UBE4B: variants seen among roughly 807,000 people sequenced by gnomAD.
UBE4B encodes the protein ubiquitin conjugation factor E4 B.
In UBE4B, 27 loss-of-function variants were observed where a neutral mutation model predicts 148.1. The observed-to-expected ratio is 0.18, with a 90% CI of 0.13 to 0.25. UBE4B has a LOEUF of 0.25. Ranked by LOEUF, UBE4B falls within the 10% of genes least tolerant of loss-of-function variation. The pLI is 1.00. For synonymous variants in UBE4B, 596 were observed against 619.3 expected, an observed-to-expected ratio of 0.96 and a Z score of 0.56; for missense variants, 1,170 against 1,662.4, an observed-to-expected ratio of 0.70 and a Z score of 5.15.
chr1:10,110,602 G>A (rs1048146519), intron 7 of UBE4B, among the ~76,000 whole-genome samples: 3 of 152,104 alleles, frequency 2.0e-5, no homozygotes, highest in South Asian at 2.1e-4. Context: ...GAAGTTATCC[G>A]GAGGAAAATG....
chr1:10,136,351 T>TC (rs1645682739), intron 16 of UBE4B, among the ~76,000 whole-genome samples: 1 of 152,044 alleles, frequency 6.6e-6, no homozygotes, highest in Non-Finnish European at 1.5e-5. Flanking sequence ...ATGCCTGTGT[T>TC]CCCAGCCACC....
At chr1:10,145,687 C>T (rs1207183737) in intron 18 of UBE4B, 1 of 152,236 alleles carries the variant, frequency 6.6e-6, no homozygotes, top group Non-Finnish European at 1.5e-5. Context: ...CCACCCCTCG[C>T]CCCAACACTC....
chr1:10,116,287 C>A (rs1399570862), intron 7 of UBE4B, among the ~76,000 whole-genome samples: 1 of 152,112 alleles, frequency 6.6e-6, no homozygotes, highest in Non-Finnish European at 1.5e-5. Context: ...GGATTACAGA[C>A]GTGTGCCACC....
At chr1:10,042,758 C>A (rs986201624) in intron 1 of UBE4B, among the ~76,000 whole-genome samples, 1 of 152,072 alleles carries the variant, frequency 6.6e-6, no homozygotes, top group Non-Finnish European at 1.5e-5. Flanking sequence ...ATTTCTGTGG[C>A]CTACAGGTAC....
intron 17 of UBE4B, among the ~76,000 whole-genome samples, chr1:10,143,490 C>T (rs1484488432): frequency 1.3e-5 from 2 of 152,068 alleles, no homozygotes; most frequent in African/African-American, 2.4e-5. Context: ...TCTCTGAGTC[C>T]TTTTTTCTCT....
intron 7 of UBE4B, among the ~76,000 whole-genome samples, chr1:10,110,588 C>T (rs1036937469): frequency 6.6e-6 from 1 of 151,964 alleles, no homozygotes; most frequent in African/African-American, 2.4e-5. Context: ...GTAAAGGTAC[C>T]GCAGAAGTTA....
chr1:10,118,914 C>T (rs1645362901), intron 8 of UBE4B, among the ~76,000 whole-genome samples: 1 of 95,876 alleles, frequency 1.0e-5, no homozygotes, highest in Non-Finnish European at 1.9e-5. Context: ...GATGGAGTCT[C>T]ACTCTGTCAC....
intron 2 of UBE4B, among the ~76,000 whole-genome samples, chr1:10,078,095 C>T (rs11804805): frequency 0.02 from 2,967 of 152,110 alleles, 101 homozygotes; most frequent in African/African-American, 0.066. Flanking sequence ...CTGCAACCTC[C>T]GTCACCCGGG....
chr1:10,121,326 G>A (rs1030696673), intron 9 of UBE4B, among the ~76,000 whole-genome samples: 6 of 152,152 alleles, frequency 3.9e-5, no homozygotes, highest in African/African-American at 1.4e-4. Flanking sequence ...CCATACTCCA[G>A]CCTGGGCAAC....
intron 1 of UBE4B, among the ~76,000 whole-genome samples, chr1:10,064,363 A>G (rs1161060290): frequency 1.3e-5 from 2 of 152,258 alleles, no homozygotes; most frequent in African/African-American, 4.8e-5. Flanking sequence ...GTGATACTCT[A>G]TGCACAAGCA....
At chr1:10,038,732 A>T (rs904289079) in intron 1 of UBE4B, among the ~76,000 whole-genome samples, 3 of 152,138 alleles carry the variant, frequency 2.0e-5, no homozygotes, top group Non-Finnish European at 2.9e-5. Context: ...TGCATTCATG[A>T]TGTGATCAGG....
chr1:10,151,264 C>A, intron 20 of UBE4B, 62 bp from the exon 21 acceptor site: 1 of 1,516,214 alleles, frequency 6.6e-7, no homozygotes, highest in South Asian at 1.2e-5. Context: ...AGCCTTCACC[C>A]AAGATGAGTT....
intron 7 of UBE4B, among the ~76,000 whole-genome samples, chr1:10,111,956 C>CAA (rs56777705): frequency 3.3e-4 from 41 of 123,222 alleles, no homozygotes; most frequent in African/African-American, 1.1e-3. Context: ...GACTCTGTCT[C>CAA]AAAAAAAAAA....
chr1:10,132,287 A>T, intron 14 of UBE4B, 82 bp from the exon 15 acceptor site: 1 of 991,452 alleles, frequency 1.0e-6, no homozygotes, highest in Non-Finnish European at 1.5e-6. Flanking sequence ...CGTGGGAAGT[A>T]GGCTAGCTGT....
In UBE4B at chr1:10,088,940, A is replaced by G. The variant is rs529419874; in HGVS notation, c.212-6521A>G. Among the ~76,000 whole-genome samples the G allele has an allele frequency of 4.2e-4, 64 of 152,176 alleles. No homozygotes were observed. The Middle Eastern group carries it at 0.01, about 24-fold the overall frequency. ...GCGATCCTCCCACCTCAACCTCTCA[A>G]TGTGTCGGGATTACAGGCGTGAGCC... On this transcript the variant is annotated intron_variant, in intron 2 of 27. Transcript: ENST00000343090.
At chr1:10,141,434 G>A (rs1448950624) in intron 17 of UBE4B, among the ~76,000 whole-genome samples, 5 of 152,070 alleles carry the variant, frequency 3.3e-5, no homozygotes, top group Non-Finnish European at 7.4e-5. Context: ...TGGAAAAGGC[G>A]AGGAAACTTG....
At chr1:10,064,525 G>A (rs1367558965) in intron 1 of UBE4B, among the ~76,000 whole-genome samples, 1 of 152,126 alleles carries the variant, frequency 6.6e-6, no homozygotes, top group African/African-American at 2.4e-5. Context: ...AGATAGCTGG[G>A]TCACAGGAAG....
At chr1:10,065,708 GGT>G in intron 1 of UBE4B, among the ~76,000 whole-genome samples, 1 of 152,172 alleles carries the variant, frequency 6.6e-6, no homozygotes, top group South Asian at 2.1e-4. Flanking sequence ...GTTTTCCCAC[GGT>G]AGATGTAGTG....
At chr1:10,038,906 A>G (rs904274384) in intron 1 of UBE4B, among the ~76,000 whole-genome samples, 2 of 152,070 alleles carry the variant, frequency 1.3e-5, no homozygotes, top group Non-Finnish European at 2.9e-5. Context: ...CTAAAAATAC[A>G]AAAATTTGCT....
Sources: gnomAD v4.1 joint callset for allele counts (sites outside exome capture counted in the v4.1 genomes callset) on GRCh38, gnomAD v4.1.1 for gene constraint, MANE v1.5 for transcripts, NCBI Gene and HGNC (gene_info 2026-07-23, HGNC 2026-07-21) for gene names.